KCNH7: variants seen among roughly 807,000 people sequenced by gnomAD.
KCNH7 encodes the protein voltage-gated inwardly rectifying potassium channel KCNH7.
In KCNH7, 49 loss-of-function variants were observed where a neutral mutation model predicts 120.8. The ratio of observed to expected loss-of-function variants is 0.41; its 90% CI spans 0.32 to 0.51. KCNH7 has a LOEUF of 0.51. Among genes scored for constraint, KCNH7 ranks in the 20% least tolerant of loss-of-function variants. The pLI is 0.38. For synonymous variants in KCNH7, 547 were observed against 516.1 expected, an observed-to-expected ratio of 1.06 and a Z score of -0.81; for missense variants, 1,097 against 1,446.6, an observed-to-expected ratio of 0.76 and a Z score of 3.92.
intron 2 of KCNH7, among the ~76,000 whole-genome samples, chr2:162,738,965 C>T (rs1028788238): frequency 1.1e-4 from 17 of 152,182 alleles, no homozygotes; most frequent in African/African-American, 4.1e-4. Context: ...ATGATCCTTC[C>T]GCACTGGATC....
intron 2 of KCNH7, among the ~76,000 whole-genome samples, chr2:162,767,811 C>CTTA (rs1413958358): frequency 6.6e-6 from 1 of 152,096 alleles, no homozygotes; most frequent in African/African-American, 2.4e-5. Flanking sequence ...TTACCCATGT[C>CTTA]TTAGTTTTTA....
At chr2:162,628,654 T>C (rs986981136) in intron 2 of KCNH7, among the ~76,000 whole-genome samples, 1 of 152,124 alleles carries the variant, frequency 6.6e-6, no homozygotes, top group South Asian at 2.1e-4. Flanking sequence ...CCATGTGGTC[T>C]CATCATTTAG....
At chr2:162,425,638 A>G (rs1687835368) in intron 8 of KCNH7, among the ~76,000 whole-genome samples, 1 of 152,202 alleles carries the variant, frequency 6.6e-6, no homozygotes. Context: ...CAGGAAGTAG[A>G]TTCAGTCAGA....
intron 2 of KCNH7, among the ~76,000 whole-genome samples, chr2:162,591,817 C>T (rs11888952): frequency 0.044 from 6,745 of 151,926 alleles, 307 homozygotes; most frequent in East Asian, 0.11. Context: ...TCATTATTGA[C>T]GTATTTTTCT....
chr2:162,447,270 G>GA (rs1159999494), intron 6 of KCNH7, among the ~76,000 whole-genome samples: 3 of 151,944 alleles, frequency 2.0e-5, no homozygotes, highest in Non-Finnish European at 4.4e-5. Context: ...TAGTTTACCT[G>GA]AAAAAAATGA....
At chr2:162,817,228 C>T (rs1684945983) in intron 2 of KCNH7, among the ~76,000 whole-genome samples, 2 of 152,232 alleles carry the variant, frequency 1.3e-5, no homozygotes, top group South Asian at 2.1e-4. Context: ...CAATCCTTAA[C>T]CCCCCGTCCT....
rs574145222 is a variant in KCNH7, at chr2:162,539,449, A to T, written c.308-2369T>A. Among the ~76,000 whole-genome samples, 158 of 152,222 alleles carry T rather than the reference A, an allele frequency of 1.0e-3. 1 individual carries two copies. The highest frequency in any genetic ancestry group is 1.6e-3 in the Non-Finnish European group (108 of 67,992). Reference sequence around the variant, plus strand: ...TGTTTGAGAAATCAAGAAATAAAATATGTGGGGATAGAGATCTAATAGGCT... The same window carrying T: ...TGTTTGAGAAATCAAGAAATAAAATTTGTGGGGATAGAGATCTAATAGGCT... On this transcript the variant is annotated intron_variant, in intron 2 of 15. Transcript: ENST00000332142.
At position 162,384,579 on chromosome 2, in the gene KCNH7, T is replaced by G. The variant is rs960227360; in HGVS notation, c.2962+109A>C. Reference sequence around the variant, plus strand: ...AACGCTTCGCGAACATTTCATGAAGTTGAGAACAATTAGATTAACATGTGT... The same window carrying G: ...AACGCTTCGCGAACATTTCATGAAGGTGAGAACAATTAGATTAACATGTGT... On this transcript the variant is annotated intron_variant, in intron 13 of 15. Transcript: ENST00000332142. 41 of 1,080,282 alleles carry G rather than the reference T, an allele frequency of 3.8e-5. 1 individual carries two copies. The African/African-American group carries it at 6.0e-4, about 16-fold the overall frequency. 66.9% of individuals were successfully genotyped at this position (1,080,282 alleles called of 1,614,324 possible).
intron 2 of KCNH7, among the ~76,000 whole-genome samples, chr2:162,709,759 T>C (rs564399469): frequency 6.6e-6 from 1 of 152,318 alleles, no homozygotes; most frequent in South Asian, 2.1e-4. Context: ...TCATTGCCTC[T>C]GCAAATGCTC....
At chr2:162,392,728 T>G (rs1686780845) in intron 12 of KCNH7, among the ~76,000 whole-genome samples, 1 of 151,714 alleles carries the variant, frequency 6.6e-6, no homozygotes, top group Non-Finnish European at 1.5e-5. Flanking sequence ...GCTGAAGAGA[T>G]GAACTGATGG....
intron 2 of KCNH7, among the ~76,000 whole-genome samples, chr2:162,672,036 A>G (rs563099913): frequency 2.0e-5 from 3 of 152,126 alleles, no homozygotes; most frequent in African/African-American, 7.2e-5. Context: ...ACTAACATAT[A>G]CTTCAATAAA....
At chr2:162,422,837 G>T (rs1223534127) in intron 9 of KCNH7, among the ~76,000 whole-genome samples, 2 of 152,110 alleles carry the variant, frequency 1.3e-5, no homozygotes, top group Non-Finnish European at 2.9e-5. Flanking sequence ...TCTTAAAAGT[G>T]TGAAACTTCC....
At chr2:162,392,807 G>C (rs1394380500) in intron 12 of KCNH7, among the ~76,000 whole-genome samples, 1 of 151,860 alleles carries the variant, frequency 6.6e-6, no homozygotes, top group Non-Finnish European at 1.5e-5. Flanking sequence ...GGTAAGTTAA[G>C]ACCCACCCTA....
chr2:162,669,821 C>T (rs769818963), intron 2 of KCNH7, among the ~76,000 whole-genome samples: 9 of 152,064 alleles, frequency 5.9e-5, no homozygotes, highest in East Asian at 1.9e-4. Context: ...GAAAGAAGGC[C>T]GGGAGCGGTG....
At chr2:162,598,469 C>G (rs1416650403) in intron 2 of KCNH7, among the ~76,000 whole-genome samples, 1 of 151,898 alleles carries the variant, frequency 6.6e-6, no homozygotes, top group Non-Finnish European at 1.5e-5. Context: ...AAAAAAAATC[C>G]CTTCTAGGTA....
At chr2:162,823,891 T>C (rs1291921364) in intron 2 of KCNH7, among the ~76,000 whole-genome samples, 1 of 152,192 alleles carries the variant, frequency 6.6e-6, no homozygotes, top group Non-Finnish European at 1.5e-5. Flanking sequence ...ATTTAGATGT[T>C]ACCAGTTATT....
chr2:162,790,431 C>A (rs182585285), intron 2 of KCNH7, among the ~76,000 whole-genome samples: 11 of 152,138 alleles, frequency 7.2e-5, no homozygotes, highest in African/African-American at 2.4e-4. Context: ...AATACTAATT[C>A]TTCTCAAACT....
At chr2:162,476,050 C>T (rs1689730144) in intron 6 of KCNH7, among the ~76,000 whole-genome samples, 1 of 152,202 alleles carries the variant, frequency 6.6e-6, no homozygotes, top group South Asian at 2.1e-4. Context: ...GTTGGGGGCA[C>T]TCTATGCCTT....
At chr2:162,823,243 A>AG (rs199544299) in intron 2 of KCNH7, among the ~76,000 whole-genome samples, 3,585 of 151,450 alleles carry the variant, frequency 0.024, 135 homozygotes, top group East Asian at 0.13. Context: ...AAATTGAAAA[A>AG]AAAAGATTTT....
Sources: gnomAD v4.1 joint callset for allele counts (sites outside exome capture counted in the v4.1 genomes callset) on GRCh38, gnomAD v4.1.1 for gene constraint, MANE v1.5 for transcripts, NCBI Gene and HGNC (gene_info 2026-07-23, HGNC 2026-07-21) for gene names.